The following GPR39 variants were observed in gnomAD, a reference collection of about 807,000 sequenced individuals.
GPR39 encodes zinc sensing receptor.
A neutral mutation model predicts 18.4 loss-of-function variants in GPR39; 23 were observed. The ratio of observed to expected loss-of-function variants is 1.25; its 90% CI spans 0.90 to 1.77. GPR39 has a LOEUF of 1.77. GPR39 is among the 40% of genes most tolerant of loss of function. The pLI is 0.00. For synonymous variants in GPR39, 280 were observed against 257.9 expected, an observed-to-expected ratio of 1.09 and a Z score of -0.82; for missense variants, 647 against 602.4, an observed-to-expected ratio of 1.07 and a Z score of -0.78.
chr2:132,548,978 G>A (rs140189746), intron 1 of GPR39, among the ~76,000 whole-genome samples: 8 of 152,280 alleles, frequency 5.3e-5, no homozygotes, highest in Non-Finnish European at 8.8e-5. Flanking sequence ...TCACAGATAC[G>A]TGTGTGTGTA....
chr2:132,479,958 C>A (rs1450441190), intron 1 of GPR39, among the ~76,000 whole-genome samples: 1 of 152,134 alleles, frequency 6.6e-6, no homozygotes, highest in South Asian at 2.1e-4. Context: ...GCACTGTTGG[C>A]AGGAATGTAA....
At chr2:132,505,000 C>G (rs796640018) in intron 1 of GPR39, among the ~76,000 whole-genome samples, 17 of 152,250 alleles carry the variant, frequency 1.1e-4, no homozygotes, top group African/African-American at 4.1e-4. Flanking sequence ...ATGTGATATG[C>G]TAATAAATAG....
chr2:132,431,136 CACTG>C (rs1408162743), intron 1 of GPR39, among the ~76,000 whole-genome samples: 3 of 152,176 alleles, frequency 2.0e-5, no homozygotes, highest in African/African-American at 7.2e-5. Context: ...CTAGGTCACT[CACTG>C]ACCAAGTATC....
chr2:132,636,451 T>C (rs1355780990), intron 1 of GPR39, among the ~76,000 whole-genome samples: 1 of 152,130 alleles, frequency 6.6e-6, no homozygotes, highest in Non-Finnish European at 1.5e-5. Context: ...GTAGGCATGC[T>C]TGTTTGTCTC....
chr2:132,559,527 GAAA>G (rs1363295015), intron 1 of GPR39, among the ~76,000 whole-genome samples: 1 of 152,010 alleles, frequency 6.6e-6, no homozygotes, highest in African/African-American at 2.4e-5. Context: ...CTGAGGATAA[GAAA>G]AGCAACAGCG....
chr2:132,579,410 TGAAAA>T (rs1342346545), intron 1 of GPR39, among the ~76,000 whole-genome samples: 1 of 152,172 alleles, frequency 6.6e-6, no homozygotes, highest in Admixed American at 6.5e-5. Context: ...TGTGGGAACT[TGAAAA>T]GAAAGCGTAT....
At chr2:132,447,893 T>C (rs1166666524) in intron 1 of GPR39, among the ~76,000 whole-genome samples, 1 of 152,182 alleles carries the variant, frequency 6.6e-6, no homozygotes, top group African/African-American at 2.4e-5. Flanking sequence ...ACTGAATTTA[T>C]TGTTTGCTGC....
chr2:132,481,506 G>T (rs556823018), intron 1 of GPR39, among the ~76,000 whole-genome samples: 2 of 152,332 alleles, frequency 1.3e-5, no homozygotes, highest in East Asian at 1.9e-4. Flanking sequence ...TCTGGGATTG[G>T]AATGGGATGC....
intron 1 of GPR39, among the ~76,000 whole-genome samples, chr2:132,586,037 C>CT (rs1163461841): frequency 7.1e-6 from 1 of 140,314 alleles, no homozygotes; most frequent in African/African-American, 2.7e-5. Flanking sequence ...TTTGTGGCGT[C>CT]TGATTCACGG....
At chr2:132,543,124 G>T (rs1013523009) in intron 1 of GPR39, among the ~76,000 whole-genome samples, 1 of 152,186 alleles carries the variant, frequency 6.6e-6, no homozygotes, top group Admixed American at 6.5e-5. Context: ...TAGGCAAGTG[G>T]ACATTAAAGA....
intron 1 of GPR39, among the ~76,000 whole-genome samples, chr2:132,629,093 C>T (rs1291148838): frequency 6.6e-6 from 1 of 152,144 alleles, no homozygotes; most frequent in African/African-American, 2.4e-5. Flanking sequence ...CTGTCTTGGG[C>T]AGAGACATGG....
intron 1 of GPR39, among the ~76,000 whole-genome samples, chr2:132,447,181 A>G (rs1465356541): frequency 6.6e-6 from 1 of 152,120 alleles, no homozygotes; most frequent in East Asian, 1.9e-4. Flanking sequence ...TCTGTCATTC[A>G]TTAAATATTT....
intron 1 of GPR39, among the ~76,000 whole-genome samples, chr2:132,512,809 T>G (rs1394697777): frequency 3.9e-5 from 6 of 152,230 alleles, no homozygotes; most frequent in Admixed American, 3.9e-4. Flanking sequence ...AGTACACACA[T>G]GTATTCATGC....
intron 1 of GPR39, among the ~76,000 whole-genome samples, chr2:132,595,921 G>A (rs971007453): frequency 4.6e-5 from 7 of 152,122 alleles, no homozygotes; most frequent in Non-Finnish European, 7.4e-5. Context: ...TTTCAGAGTA[G>A]AAACAAAAAT....
intron 1 of GPR39, among the ~76,000 whole-genome samples, chr2:132,497,231 G>A (rs746281617): frequency 5.9e-5 from 9 of 152,142 alleles, no homozygotes; most frequent in Non-Finnish European, 1.3e-4. Flanking sequence ...TAACCAACAT[G>A]TGACTCCTAA....
At chr2:132,612,740 C>T (rs1456145969) in intron 1 of GPR39, among the ~76,000 whole-genome samples, 5 of 152,322 alleles carry the variant, frequency 3.3e-5, no homozygotes, top group South Asian at 4.1e-4. Context: ...CTTTATAATA[C>T]GTCATGATAG....
At chr2:132,421,044 C>T (rs1006405201) in intron 1 of GPR39, among the ~76,000 whole-genome samples, 11 of 152,140 alleles carry the variant, frequency 7.2e-5, no homozygotes, top group Admixed American at 3.3e-4. Context: ...AATATTTGTC[C>T]GATGTCAGAA....
chr2:132,621,921 G>A (rs1461836567), intron 1 of GPR39, among the ~76,000 whole-genome samples: 1 of 152,114 alleles, frequency 6.6e-6, no homozygotes, highest in Non-Finnish European at 1.5e-5. Context: ...TGGGGTGTGG[G>A]GCATTAGAGA....
At chr2:132,571,681 G>A (rs1680442950) in intron 1 of GPR39, among the ~76,000 whole-genome samples, 1 of 152,032 alleles carries the variant, frequency 6.6e-6, no homozygotes, top group Admixed American at 6.6e-5. Context: ...AGGCCTACTG[G>A]GTGCACCATC....
Sources: gnomAD v4.1 joint callset for allele counts (sites outside exome capture counted in the v4.1 genomes callset) on GRCh38, gnomAD v4.1.1 for gene constraint, MANE v1.5 for transcripts, NCBI Gene and HGNC (gene_info 2026-07-23, HGNC 2026-07-21) for gene names.